The following DROSHA variants were observed in gnomAD, a reference collection of about 807,000 sequenced individuals.
The protein encoded by DROSHA is drosha ribonuclease III.
DROSHA carries 56 observed loss-of-function variants against 181.9 expected under a neutral mutation model. The ratio of observed to expected loss-of-function variants is 0.31; its 90% CI spans 0.25 to 0.38. The LOEUF (loss-of-function observed/expected upper bound fraction) is 0.38, where lower values mean the gene tolerates loss of function less well. Ranked by LOEUF, DROSHA falls within the 10% of genes least tolerant of loss-of-function variation. The probability of loss-of-function intolerance (pLI) is 1.00; values close to 1 mark genes in which losing one functional copy is unlikely to be tolerated. For missense variants in DROSHA, 1,218 were observed against 1,743.5 expected, an observed-to-expected ratio of 0.70 and a Z score of 5.37; for synonymous variants, 524 against 591.2, an observed-to-expected ratio of 0.89 and a Z score of 1.65.
At chr5:31,424,902 G>A (rs1298881276) in intron 27 of DROSHA, among the ~76,000 whole-genome samples, 1 of 152,088 alleles carries the variant, frequency 6.6e-6, no homozygotes, top group East Asian at 1.9e-4. Context: ...GCTATTTTAA[G>A]ATGGAGTGGA....
chr5:31,493,177 G>C (rs370219923), intron 13 of DROSHA, 30 bp downstream of exon 13: 150 of 1,586,698 alleles, frequency 9.5e-5, no homozygotes, highest in Non-Finnish European at 1.2e-4. Context: ...TACAAGGAAA[G>C]AGAAAAGCAG....
At position 31,526,107 on chromosome 5, in the gene DROSHA, A is replaced by G; in HGVS notation, c.826T>C (p.Ser276Pro). ...RSDYDRGRTP[S>P]RHRSYERSRE... ...CTCCGTTCGTAGCTGCGGTGGCGAGATGGTGTTCTCCCTCGGTCATAATCA... is the reference window on the plus strand; with the variant it reads ...CTCCGTTCGTAGCTGCGGTGGCGAGGTGGTGTTCTCCCTCGGTCATAATCA... Residue 276 changes from serine (S) to proline (P), a missense_variant, in exon 5 of 36, where the codon TCT becomes CCT. Transcript: ENST00000344624. 2 of 1,599,224 alleles carry G rather than the reference A, an allele frequency of 1.3e-6. No homozygotes were observed. Among genetic ancestry groups the G allele is most frequent in the Non-Finnish European group, 1.7e-6 (2 of 1,168,080 alleles).
At position 31,409,789 on chromosome 5, in the gene DROSHA, A is replaced by G. The variant is rs78137648; in HGVS notation, c.3668-457T>C. On this transcript the variant is annotated intron_variant, in intron 31 of 35. Coordinates refer to ENST00000344624, the MANE Select transcript of DROSHA (RefSeq NM_001382508.1). This position sits in a 1 kb window ranked among gnomAD's most constrained non-coding sequence, Gnocchi z 4.0. ...TAAATTTAATGAACAGAAATGGGGT[A>G]ATTTATAGATTCAATCTGCCCAAAA... is the stretch of plus-strand genomic sequence containing the variant. Among the ~76,000 whole-genome samples the G allele has an allele frequency of 1.4e-3, 212 of 152,272 alleles. 2 individuals are homozygous for G. Among genetic ancestry groups the G allele is most frequent in the African/African-American group, 4.9e-3 (202 of 41,560 alleles).
At chr5:31,508,471 C>T in intron 10 of DROSHA, 150 bp downstream of exon 10, 1 of 1,133,076 alleles carries the variant, frequency 8.8e-7, no homozygotes, top group Non-Finnish European at 1.3e-6. Flanking sequence ...TTGGAACTAA[C>T]CTGAAGCTGA....
At chr5:31,498,176 G>A (rs1753201912) in intron 11 of DROSHA, among the ~76,000 whole-genome samples, 1 of 152,138 alleles carries the variant, frequency 6.6e-6, no homozygotes, top group African/African-American at 2.4e-5. Flanking sequence ...GACACAGGCT[G>A]ACACGGACAA....
At chr5:31,465,022 T>G (rs1203359011) in intron 19 of DROSHA, among the ~76,000 whole-genome samples, 3 of 152,118 alleles carry the variant, frequency 2.0e-5, no homozygotes, top group Non-Finnish European at 4.4e-5. Context: ...AGAGGCCCAT[T>G]AAATGGCGTA....
intron 29 of DROSHA, among the ~76,000 whole-genome samples, chr5:31,421,585 A>G (rs982825835): frequency 2.0e-5 from 3 of 152,068 alleles, no homozygotes; most frequent in Admixed American, 6.5e-5. Flanking sequence ...AATAAAGTGA[A>G]TATTATCTAA....
chr5:31,517,634 T>C (rs1739410358), intron 6 of DROSHA, among the ~76,000 whole-genome samples: 1 of 152,216 alleles, frequency 6.6e-6, no homozygotes, highest in Non-Finnish European at 1.5e-5. Flanking sequence ...ATTTAACCTA[T>C]ATCAAATTTT....
At chr5:31,424,281 T>G (rs1743181095) in intron 28 of DROSHA, 146 bp downstream of exon 28, 1 of 1,015,986 alleles carries the variant, frequency 9.8e-7, no homozygotes, top group African/African-American at 1.6e-5. Flanking sequence ...GTTCCAAAGT[T>G]TTCCAGGTCT....
chr5:31,431,468 C>T, intron 26 of DROSHA, 108 bp downstream of exon 26: 1 of 1,061,768 alleles, frequency 9.4e-7, no homozygotes, highest in Non-Finnish European at 1.4e-6. Context: ...ACCTCATGTG[C>T]TTTGGGAACA....
At chr5:31,424,576 T>C in intron 27 of DROSHA, 105 bp from the exon 28 acceptor site, 1 of 1,366,272 alleles carries the variant, frequency 7.3e-7, no homozygotes, top group Non-Finnish European at 9.9e-7. Context: ...TTTCAGACAC[T>C]GACTCCACTT....
chr5:31,414,158 T>C (rs1264383371), intron 30 of DROSHA, among the ~76,000 whole-genome samples: 1 of 152,002 alleles, frequency 6.6e-6, no homozygotes, highest in Non-Finnish European at 1.5e-5. Flanking sequence ...TGCACTTTCC[T>C]GTAGGGGAAG....
chr5:31,492,165 GATTTT>G (rs1752501937), intron 13 of DROSHA, among the ~76,000 whole-genome samples: 1 of 152,086 alleles, frequency 6.6e-6, no homozygotes, highest in Admixed American at 6.5e-5. Context: ...ATTATGAAAT[GATTTT>G]ATTTTTACAT....
intron 5 of DROSHA, among the ~76,000 whole-genome samples, chr5:31,525,846 T>G (rs1054806062): frequency 1.3e-5 from 2 of 151,874 alleles, no homozygotes; most frequent in Non-Finnish European, 2.9e-5. Flanking sequence ...TTATATTCAC[T>G]GAAATGAATC....
chr5:31,473,190 C>T (rs1329248654), intron 16 of DROSHA, among the ~76,000 whole-genome samples: 1 of 152,164 alleles, frequency 6.6e-6, no homozygotes, highest in African/African-American at 2.4e-5. Context: ...CACAAGATGG[C>T]AGCAATGGGA....
intron 20 of DROSHA, among the ~76,000 whole-genome samples, chr5:31,463,829 T>C (rs1748705379): frequency 6.6e-6 from 1 of 152,182 alleles, no homozygotes; most frequent in Non-Finnish European, 1.5e-5. Flanking sequence ...AATGTAAATT[T>C]GAGTCATCAG....
At chr5:31,473,309 C>A (rs542833861) in intron 16 of DROSHA, among the ~76,000 whole-genome samples, 19 of 152,332 alleles carry the variant, frequency 1.2e-4, no homozygotes, top group Admixed American at 4.6e-4. Flanking sequence ...AGAACTTAAA[C>A]AAGACTGCAT....
intron 11 of DROSHA, among the ~76,000 whole-genome samples, chr5:31,502,195 G>A (rs564602037): frequency 1.3e-5 from 2 of 152,332 alleles, no homozygotes; most frequent in South Asian, 2.1e-4. Flanking sequence ...ACAGCTGCCC[G>A]CACTGAGGAC....
In DROSHA at chr5:31,483,699, A is replaced by AT. The variant is rs1751343884; in HGVS notation, c.1997-72dup. On this transcript the variant is annotated intron_variant, in intron 15 of 35. Coordinates refer to ENST00000344624, the MANE Select transcript of DROSHA (RefSeq NM_001382508.1). ...CTTAAAAAACAAGCACTGCAACTTA[A>AT]TTTCTAAGATTTATGATAACCACAA... is the stretch of plus-strand genomic sequence containing the variant. 3 of 1,422,178 alleles carry AT rather than the reference A, an allele frequency of 2.1e-6. No homozygotes were observed. The Admixed American group carries it at 7.3e-5, about 35-fold the overall frequency. 88.1% of individuals were successfully genotyped at this position (1,422,178 alleles called of 1,614,324 possible). A position where few individuals can be genotyped will look rare whatever the true frequency, so the allele number is the denominator to read the frequency against.
Sources: gnomAD v4.1 joint callset for allele counts (sites outside exome capture counted in the v4.1 genomes callset) on GRCh38, gnomAD v4.1.1 for gene constraint, Gnocchi (gnomAD v3.1) non-coding constraint, MANE v1.5 for transcripts, NCBI Gene and HGNC (gene_info 2026-07-23, HGNC 2026-07-21) for gene names.